CSGALNACT1: variants seen among roughly 807,000 people sequenced by gnomAD.
The protein encoded by CSGALNACT1 is chondroitin sulfate N-acetylgalactosaminyltransferase 1.
CSGALNACT1 carries 52 observed loss-of-function variants against 51.0 expected under a neutral mutation model. The observed-to-expected ratio is 1.02, with a 90% CI of 0.82 to 1.29. The LOEUF is 1.29. CSGALNACT1 is among the 50% of genes most tolerant of loss of function. The probability of loss-of-function intolerance (pLI) is 0.00; values close to 1 mark genes in which losing one functional copy is unlikely to be tolerated. For missense variants in CSGALNACT1, 935 were observed against 679.2 expected, an observed-to-expected ratio of 1.38 and a Z score of -4.19; for synonymous variants, 341 against 254.4, an observed-to-expected ratio of 1.34 and a Z score of -3.24.
chr8:19,426,909 A>C (rs2058858332), intron 6 of CSGALNACT1, among the ~76,000 whole-genome samples: 1 of 152,234 alleles, frequency 6.6e-6, no homozygotes, highest in African/African-American at 2.4e-5. Context: ...GCTTCTCACA[A>C]TAGCCTTTCA....
At chr8:19,635,175 G>C (rs2055864374) in intron 1 of CSGALNACT1, among the ~76,000 whole-genome samples, 1 of 152,202 alleles carries the variant, frequency 6.6e-6, no homozygotes, top group Non-Finnish European at 1.5e-5. Context: ...AGGGGACCAG[G>C]AGGAGAGGGA....
intron 1 of CSGALNACT1, among the ~76,000 whole-genome samples, chr8:19,628,719 A>G (rs1393482632): frequency 1.3e-5 from 2 of 151,858 alleles, no homozygotes; most frequent in East Asian, 3.9e-4. Flanking sequence ...TGGCTCAAGC[A>G]ATCTCTTCGC....
At chr8:19,447,675 G>T (rs2062375858) in intron 5 of CSGALNACT1, among the ~76,000 whole-genome samples, 1 of 152,108 alleles carries the variant, frequency 6.6e-6, no homozygotes, top group Non-Finnish European at 1.5e-5. Context: ...GGGGGAGGTG[G>T]GTGTACAAAA....
chr8:19,438,545 A>C (rs1229789477), intron 6 of CSGALNACT1, among the ~76,000 whole-genome samples: 1 of 152,156 alleles, frequency 6.6e-6, no homozygotes, highest in Admixed American at 6.5e-5. Context: ...TTAAACTCTT[A>C]AGCACTCATT....
Position 19,505,720 on chromosome 8 carries a change from C to G in CSGALNACT1, c.115G>C (p.Asp39His), listed in dbSNP as rs1242380470. Residue 39 changes from aspartate to histidine, a missense_variant, in exon 4 of 10, where the codon GAC (aspartate) becomes CAC (histidine). Physicochemically the swap from Asp to His is moderately conservative, Grantham distance 81 (BLOSUM62 -1). Coordinates refer to ENST00000454498, the Ensembl canonical transcript of CSGALNACT1. ...CTGGGCAGTGCCAGCTGCTCCTCGT[C>G]ACCTTTTGGGGTGCAGGCCAACATG... 4 of 1,614,206 alleles carry G rather than the reference C, an allele frequency of 2.5e-6. No homozygotes were observed. Among genetic ancestry groups the G allele is most frequent in the Non-Finnish European group, 3.4e-6 (4 of 1,180,046 alleles).
chr8:19,687,583 C>T (rs1332220032), upstream of CSGALNACT1, among the ~76,000 whole-genome samples: 1 of 152,160 alleles, frequency 6.6e-6, no homozygotes, highest in African/African-American at 2.4e-5. Flanking sequence ...ATGTTGTATG[C>T]CTTGGTCCAT....
intron 1 of CSGALNACT1, among the ~76,000 whole-genome samples, chr8:19,677,133 G>C (rs2060252476): frequency 6.6e-6 from 1 of 151,618 alleles, no homozygotes; most frequent in African/African-American, 2.4e-5. Flanking sequence ...TCCTAAAACA[G>C]AGTCTCACTC....
intron 6 of CSGALNACT1, among the ~76,000 whole-genome samples, chr8:19,429,494 ATCTGGCTACTT>A (rs527279553): frequency 6.6e-6 from 1 of 152,288 alleles, no homozygotes; most frequent in Admixed American, 6.5e-5. Flanking sequence ...GACCTTTTAC[ATCTGGCTACTT>A]TCATTTATCA....
At chr8:19,698,308 T>C (rs2061682957) in intron 1 of CSGALNACT1, among the ~76,000 whole-genome samples, 1 of 152,232 alleles carries the variant, frequency 6.6e-6, no homozygotes, top group African/African-American at 2.4e-5. Context: ...TGTTTGGGGT[T>C]AGGATATGGG....
chr8:19,489,121 T>C (rs980271174), intron 4 of CSGALNACT1, among the ~76,000 whole-genome samples: 12 of 152,074 alleles, frequency 7.9e-5, no homozygotes, highest in Non-Finnish European at 2.9e-5. Flanking sequence ...ATAGTGTGAG[T>C]CCCTAGTCAG....
chr8:19,452,004 C>G (rs772490862), intron 5 of CSGALNACT1, among the ~76,000 whole-genome samples: 1 of 152,166 alleles, frequency 6.6e-6, no homozygotes, highest in African/African-American at 2.4e-5. Context: ...ATACATTAAT[C>G]TGAAATAGCA....
intron 4 of CSGALNACT1, among the ~76,000 whole-genome samples, chr8:19,500,842 C>G (rs1341444890): frequency 6.6e-6 from 1 of 152,192 alleles, no homozygotes; most frequent in Non-Finnish European, 1.5e-5. Flanking sequence ...AATTTATTTT[C>G]TCACAATTAC....
intron 1 of CSGALNACT1, among the ~76,000 whole-genome samples, chr8:19,634,171 A>G (rs182670213): frequency 1.1e-4 from 16 of 152,350 alleles, no homozygotes; most frequent in African/African-American, 3.6e-4. Context: ...TTTTGAAAAC[A>G]TATTACTTTC....
At chr8:19,496,408 G>A (rs746929775) in intron 4 of CSGALNACT1, among the ~76,000 whole-genome samples, 3 of 152,152 alleles carry the variant, frequency 2.0e-5, no homozygotes, top group Non-Finnish European at 4.4e-5. Context: ...TTTAAGCTAT[G>A]GGACTCTGCT....
At chr8:19,594,775 C>A (rs2048552290) in intron 2 of CSGALNACT1, among the ~76,000 whole-genome samples, 1 of 151,924 alleles carries the variant, frequency 6.6e-6, no homozygotes, top group South Asian at 2.1e-4. Flanking sequence ...TGGTCTCGAA[C>A]TCCTGACCTC....
At chr8:19,437,427 T>A (rs114357621) in intron 6 of CSGALNACT1, among the ~76,000 whole-genome samples, 2 of 152,078 alleles carry the variant, frequency 1.3e-5, no homozygotes. Context: ...AAGATTGATC[T>A]GGAAGGTAGA....
chr8:19,540,965 C>T (rs1181735743), intron 3 of CSGALNACT1, among the ~76,000 whole-genome samples: 1 of 152,228 alleles, frequency 6.6e-6, no homozygotes, highest in African/African-American at 2.4e-5. Flanking sequence ...AGCCCCTACC[C>T]TGTCCCCAGA....
chr8:19,750,764 C>T (rs2064979647), intron 1 of CSGALNACT1, among the ~76,000 whole-genome samples: 1 of 152,110 alleles, frequency 6.6e-6, no homozygotes, highest in Non-Finnish European at 1.5e-5. Flanking sequence ...GGCAGAGTAC[C>T]TTCATAGAAC....
At chr8:19,555,498 T>C (rs904437360) in intron 3 of CSGALNACT1, among the ~76,000 whole-genome samples, 3 of 152,172 alleles carry the variant, frequency 2.0e-5, no homozygotes, top group Non-Finnish European at 4.4e-5. Flanking sequence ...CCCATAGTAC[T>C]TTCTGACCTA....
Sources: gnomAD v4.1 joint callset for allele counts (sites outside exome capture counted in the v4.1 genomes callset) on GRCh38, gnomAD v4.1.1 for gene constraint, MANE v1.5 for transcripts, NCBI Gene and HGNC (gene_info 2026-07-23, HGNC 2026-07-21) for gene names.